MNAT1: variants seen among roughly 807,000 people sequenced by gnomAD.
The protein encoded by MNAT1 is MNAT1 component of CDK activating kinase, also known as CDK-activating kinase assembly factor MAT1.
Under a neutral mutation model 42.0 loss-of-function variants are expected in MNAT1, and 43 were observed. The observed-to-expected ratio is 1.02, with a 90% CI of 0.80 to 1.32. The LOEUF is 1.32. MNAT1 is among the 40% of genes most tolerant of loss of function. The pLI is 0.00. For synonymous variants in MNAT1, 118 were observed against 120.0 expected, an observed-to-expected ratio of 0.98 and a Z score of 0.11; for missense variants, 306 against 350.4, an observed-to-expected ratio of 0.87 and a Z score of 1.01.
intron 1 of MNAT1, among the ~76,000 whole-genome samples, chr14:60,751,875 A>C (rs1334653665): frequency 6.6e-6 from 1 of 152,116 alleles, no homozygotes; most frequent in Non-Finnish European, 1.5e-5. Flanking sequence ...TGAAGCCTCC[A>C]TCAATATGGT....
Position 60,847,607 on chromosome 14 carries a change from G to C in MNAT1, c.687+28760G>C, listed in dbSNP as rs766002092. Among the ~76,000 whole-genome samples, 10 of 152,008 alleles carry C rather than the reference G, an allele frequency of 6.6e-5. No homozygotes were observed. In the South Asian group the frequency reaches 1.0e-3, roughly 16 times the overall value. On this transcript the variant is annotated intron_variant, in intron 6 of 7. Coordinates refer to ENST00000261245, the MANE Select transcript of MNAT1 (RefSeq NM_002431.4). ...GCTATTTACGTTTAATGTTTGTTTT[G>C]TATATTTCTCATGGTGCTTTTTGTT...
chr14:60,950,211 G>A (rs1428318308), intron 7 of MNAT1, among the ~76,000 whole-genome samples: 1 of 152,068 alleles, frequency 6.6e-6, no homozygotes, highest in Admixed American at 6.6e-5. Flanking sequence ...AGTGTGTCTA[G>A]TCCTGTTTGA....
chr14:60,901,548 T>C lies in MNAT1; in HGVS notation c.809+21713T>C, dbSNP rs149481573. ...TGGATGAAACAAATTGAAAACCTTCTGGAAACAATTCATTACTCTAGAAGC... is the reference window on the plus strand; with the variant it reads ...TGGATGAAACAAATTGAAAACCTTCCGGAAACAATTCATTACTCTAGAAGC... On this transcript the variant is annotated intron_variant, in intron 7 of 7. Coordinates refer to ENST00000261245, the MANE Select transcript of MNAT1 (RefSeq NM_002431.4). Among the ~76,000 whole-genome samples, 222 of 152,308 alleles carry C rather than the reference T, an allele frequency of 1.5e-3. 2 individuals carry two copies. The East Asian group carries it at 0.03, about 20-fold the overall frequency.
chr14:60,876,612 AT>A (rs2034442487), intron 6 of MNAT1, among the ~76,000 whole-genome samples: 1 of 151,992 alleles, frequency 6.6e-6, no homozygotes, highest in Admixed American at 6.6e-5. Context: ...GTAACCACTG[AT>A]CTACTTTCTG....
chr14:60,776,700 A>C (rs960693877), intron 1 of MNAT1, among the ~76,000 whole-genome samples: 5 of 152,176 alleles, frequency 3.3e-5, no homozygotes, highest in African/African-American at 1.2e-4. Flanking sequence ...AATACTTTGG[A>C]TCATATTCAC....
chr14:60,908,780 C>T (rs2035275804), intron 7 of MNAT1, among the ~76,000 whole-genome samples: 1 of 152,196 alleles, frequency 6.6e-6, no homozygotes, highest in Admixed American at 6.5e-5. Flanking sequence ...CCGCAGTAAA[C>T]ATACATGAGC....
intron 6 of MNAT1, among the ~76,000 whole-genome samples, chr14:60,865,250 A>ATAG (rs1354475918): frequency 6.6e-6 from 1 of 152,212 alleles, no homozygotes; most frequent in South Asian, 2.1e-4. Flanking sequence ...TGCTTATGTA[A>ATAG]TAGTAGTAGT....
chr14:60,754,341 CTT>C (rs1302508545), intron 1 of MNAT1, among the ~76,000 whole-genome samples: 16 of 126,158 alleles, frequency 1.3e-4, no homozygotes, highest in Admixed American at 2.4e-4. Context: ...GAAATTTCTT[CTT>C]TTTTTTTTTT....
At chr14:60,885,178 C>G (rs916511310) in intron 7 of MNAT1, among the ~76,000 whole-genome samples, 1 of 151,622 alleles carries the variant, frequency 6.6e-6, no homozygotes, top group Non-Finnish European at 1.5e-5. Context: ...GTTGAATCTG[C>G]TTGGTGTTCT....
chr14:60,872,982 A>T (rs979706563), intron 6 of MNAT1, among the ~76,000 whole-genome samples: 19 of 152,066 alleles, frequency 1.2e-4, no homozygotes, highest in African/African-American at 4.3e-4. Flanking sequence ...TTTCCTGCAT[A>T]GGACATTCTC....
At chr14:60,909,097 G>A (rs570175202) in intron 7 of MNAT1, among the ~76,000 whole-genome samples, 16 of 152,294 alleles carry the variant, frequency 1.1e-4, no homozygotes, top group African/African-American at 3.8e-4. Flanking sequence ...TTTTTCATGT[G>A]TCTGTTGGCT....
chr14:60,953,703 A>G (rs1182582798), intron 7 of MNAT1, among the ~76,000 whole-genome samples: 1 of 152,178 alleles, frequency 6.6e-6, no homozygotes, highest in Admixed American at 6.5e-5. Context: ...GAACTTCCGT[A>G]CTGTTTTCCA....
At chr14:60,939,394 C>T (rs1045080403) in intron 7 of MNAT1, among the ~76,000 whole-genome samples, 2 of 152,136 alleles carry the variant, frequency 1.3e-5, no homozygotes, top group African/African-American at 4.8e-5. Flanking sequence ...CCTCTACACA[C>T]TGCTTTGAGT....
At chr14:60,910,677 A>G (rs1266804517) in intron 7 of MNAT1, among the ~76,000 whole-genome samples, 1 of 152,224 alleles carries the variant, frequency 6.6e-6, no homozygotes, top group African/African-American at 2.4e-5. Flanking sequence ...GATGAAGTCC[A>G]CTTGATCATG....
intron 6 of MNAT1, among the ~76,000 whole-genome samples, chr14:60,835,790 G>A (rs1391061326): frequency 2.0e-5 from 3 of 152,160 alleles, no homozygotes; most frequent in Admixed American, 2.0e-4. Flanking sequence ...GCCTTGCTAG[G>A]TTGGGGAAGT....
At position 60,968,500 on chromosome 14, in the gene MNAT1, A is replaced by G. The variant is rs1220301296; in HGVS notation, c.*151A>G. ...TTATAAGGAGAAAATTTCAGAACTAAGTTGAGTAATATAGGGGATATATAT... is the reference window on the plus strand; with the variant it reads ...TTATAAGGAGAAAATTTCAGAACTAGGTTGAGTAATATAGGGGATATATAT... On this transcript the variant is annotated 3_prime_UTR_variant, in exon 8 of 8. Transcript: ENST00000261245. The G allele has an allele frequency of 2.0e-6, 3 of 1,494,112 alleles. No homozygotes were observed. Among genetic ancestry groups the G allele is most frequent in the African/African-American group, 1.4e-5 (1 of 71,116 alleles). The allele number at this position is 1,494,112 out of a possible 1,614,324, so 92.6% of individuals were successfully genotyped here. A position where few individuals can be genotyped will look rare whatever the true frequency, so the allele number is the denominator to read the frequency against.
At chr14:60,915,761 A>T (rs1037359594) in intron 7 of MNAT1, among the ~76,000 whole-genome samples, 2 of 152,224 alleles carry the variant, frequency 1.3e-5, no homozygotes, top group African/African-American at 4.8e-5. Context: ...AAAATGTTTT[A>T]AAAATATCCT....
At chr14:60,772,097 T>G (rs957919920) in intron 1 of MNAT1, among the ~76,000 whole-genome samples, 1 of 152,170 alleles carries the variant, frequency 6.6e-6, no homozygotes, top group Non-Finnish European at 1.5e-5. Flanking sequence ...TTTTTGATTA[T>G]GAGTTTTATT....
At chr14:60,779,547 G>C (rs2031373339) in intron 1 of MNAT1, among the ~76,000 whole-genome samples, 1 of 152,160 alleles carries the variant, frequency 6.6e-6, no homozygotes, top group Non-Finnish European at 1.5e-5. Flanking sequence ...CCACCATTTT[G>C]GGAGGCCGAG....
Sources: allele counts gnomAD v4.1 joint callset (sites outside exome capture counted in the v4.1 genomes callset), GRCh38; gene constraint gnomAD v4.1.1; transcripts MANE v1.5; gene names NCBI Gene and HGNC (gene_info 2026-07-23, HGNC 2026-07-21).